The following MAPK10 variants were observed in gnomAD, a reference collection of about 807,000 sequenced individuals.
The protein encoded by MAPK10 is JNK3 alpha protein kinase.
Under a neutral mutation model 59.3 loss-of-function variants are expected in MAPK10, and 25 were observed. That is an observed-to-expected ratio of 0.42 (90% CI 0.31 to 0.59). MAPK10 has a LOEUF of 0.59. Among genes scored for constraint, MAPK10 ranks in the 20% least tolerant of loss-of-function variants. The pLI, the probability that MAPK10 is intolerant of heterozygous loss-of-function variation, is 0.15. For synonymous variants in MAPK10, 190 were observed against 200.5 expected, an observed-to-expected ratio of 0.95 and a Z score of 0.44; for missense variants, 351 against 568.9, an observed-to-expected ratio of 0.62 and a Z score of 3.90.
intron 2 of MAPK10, among the ~76,000 whole-genome samples, chr4:86,265,410 G>A (rs1165483561): frequency 6.6e-6 from 1 of 151,672 alleles, no homozygotes; most frequent in African/African-American, 2.4e-5. Flanking sequence ...TCAGGAGGCT[G>A]AGGCAGGAAA....
At chr4:86,060,842 T>C (rs1257317670) in intron 11 of MAPK10, among the ~76,000 whole-genome samples, 1 of 152,150 alleles carries the variant, frequency 6.6e-6, no homozygotes, top group Non-Finnish European at 1.5e-5. Context: ...AAATAGATCA[T>C]TGTCATCATT....
At chr4:86,239,810 C>T (rs1388832325) in intron 2 of MAPK10, among the ~76,000 whole-genome samples, 1 of 150,788 alleles carries the variant, frequency 6.6e-6, no homozygotes, top group East Asian at 1.9e-4. Flanking sequence ...AAAACAGATC[C>T]TGGATTCATT....
At chr4:86,106,535 TAAG>T (rs1287800460) in intron 5 of MAPK10, among the ~76,000 whole-genome samples, 1 of 151,258 alleles carries the variant, frequency 6.6e-6, no homozygotes, top group Non-Finnish European at 1.5e-5. Flanking sequence ...TTATCTTTAT[TAAG>T]AAGAAGTGGA....
At chr4:86,272,076 G>A (rs2094450771) in intron 2 of MAPK10, among the ~76,000 whole-genome samples, 1 of 152,024 alleles carries the variant, frequency 6.6e-6, no homozygotes, top group South Asian at 2.1e-4. Context: ...ACTTTTAAGT[G>A]AGTACATGCG....
Position 86,228,264 on chromosome 4 carries a change from T to G in MAPK10, c.-6-33857A>C, listed in dbSNP as rs187317767. 1.7e-4 allele frequency among the ~76,000 whole-genome samples: 26 copies of G among 152,278 alleles called. No homozygotes were observed. In the East Asian group the frequency reaches 4.4e-3, roughly 26 times the overall value. ...CATGGGCTCTGCATTGTTTGGCTTG[T>G]GTGTATATGAAAAGTGTACTTGCAG... On this transcript the variant is annotated intron_variant, in intron 2 of 13. Transcript: ENST00000641462.
chr4:86,302,668 C>T (rs1339857400), intron 2 of MAPK10, among the ~76,000 whole-genome samples: 1 of 152,130 alleles, frequency 6.6e-6, no homozygotes, highest in African/African-American at 2.4e-5. Context: ...AAAAAAACAT[C>T]CAAATCTTTG....
intron 3 of MAPK10, chr4:86,191,553 C>CTTTTTTTTTTTTTTTT (rs35357476): frequency 9.9e-5 from 3 of 30,414 alleles, no homozygotes; most frequent in African/African-American, 1.1e-4. Context: ...ACAACCCGTG[C>CTTTTTTTTTTTTTTTT]TTTTTTTTTT....
chr4:86,235,856 T>C (rs1293555532), intron 2 of MAPK10, among the ~76,000 whole-genome samples: 1 of 152,186 alleles, frequency 6.6e-6, no homozygotes, highest in African/African-American at 2.4e-5. Flanking sequence ...ATTGCTCCTA[T>C]AACAAATTAC....
chr4:86,070,905 C>T (rs1204908106), intron 9 of MAPK10, among the ~76,000 whole-genome samples: 3 of 151,844 alleles, frequency 2.0e-5, no homozygotes, highest in Non-Finnish European at 4.4e-5. Context: ...GGGTATATAC[C>T]CAGTAATGGG....
At chr4:86,449,835 T>A (rs1750489521) in intron 1 of MAPK10, among the ~76,000 whole-genome samples, 1 of 152,200 alleles carries the variant, frequency 6.6e-6, no homozygotes, top group South Asian at 2.1e-4. Context: ...TCTTGAGAAG[T>A]AACCTGCCAT....
At chr4:86,037,754 T>G (rs2148932104) in intron 11 of MAPK10, among the ~76,000 whole-genome samples, 1 of 152,282 alleles carries the variant, frequency 6.6e-6, no homozygotes, top group African/African-American at 2.4e-5. Context: ...ATATAGAAAC[T>G]GAGAAAGCAT....
chr4:86,452,701 G>C lies in MAPK10; in HGVS notation c.-122+329C>G, dbSNP rs151084174. On this transcript the variant is annotated intron_variant, in intron 1 of 13. Coordinates refer to the MAPK10 transcript ENST00000361569. The stretch of plus-strand genomic sequence containing the variant: ...ATAAAAATAGCTTGGATAACAGATA[G>C]CTTTTTAATTAATTTTAAAAGCTAG... Among the ~76,000 whole-genome samples, 802 of 152,282 alleles carry C rather than the reference G, an allele frequency of 5.3e-3. 9 individuals carry two copies. Among genetic ancestry groups the C allele is most frequent in the African/African-American group, 0.018 (743 of 41,554 alleles).
intron 4 of MAPK10, among the ~76,000 whole-genome samples, chr4:86,141,626 A>T (rs2063668748): frequency 6.6e-6 from 1 of 152,234 alleles, no homozygotes; most frequent in Non-Finnish European, 1.5e-5. Flanking sequence ...TATTTTACAG[A>T]GTCTATGGGA....
chr4:86,373,599 T>G (rs1054005051), intron 1 of MAPK10, among the ~76,000 whole-genome samples: 10 of 152,146 alleles, frequency 6.6e-5, no homozygotes, highest in African/African-American at 2.4e-4. Context: ...GTGAAGGATA[T>G]GAACAGATAC....
At chr4:86,199,857 C>T (rs2082225563) in intron 2 of MAPK10, among the ~76,000 whole-genome samples, 3 of 151,836 alleles carry the variant, frequency 2.0e-5, no homozygotes, top group African/African-American at 7.3e-5. Flanking sequence ...GTACCAAACA[C>T]TCATAATAGC....
At chr4:86,267,610 G>A (rs1015622761) in intron 2 of MAPK10, among the ~76,000 whole-genome samples, 2 of 151,986 alleles carry the variant, frequency 1.3e-5, no homozygotes, top group East Asian at 3.9e-4. Context: ...CTTATCCCCA[G>A]TTCATTTATG....
At chr4:86,148,897 G>C (rs1215730897) in intron 4 of MAPK10, among the ~76,000 whole-genome samples, 1 of 152,130 alleles carries the variant, frequency 6.6e-6, no homozygotes, top group Admixed American at 6.5e-5. Flanking sequence ...GCACAAAGGA[G>C]GAAGAACACT....
At chr4:86,387,757 G>A (rs1212390433) in intron 1 of MAPK10, among the ~76,000 whole-genome samples, 4 of 151,916 alleles carry the variant, frequency 2.6e-5, no homozygotes, top group East Asian at 1.9e-4. Flanking sequence ...CTGAACTGAC[G>A]TTTTTTTCAA....
intron 2 of MAPK10, among the ~76,000 whole-genome samples, chr4:86,262,586 C>T (rs937436506): frequency 2.6e-5 from 4 of 152,022 alleles, no homozygotes; most frequent in African/African-American, 7.2e-5. Flanking sequence ...GAACCTAGTA[C>T]GATAACCATA....
Sources: allele counts gnomAD v4.1 joint callset (sites outside exome capture counted in the v4.1 genomes callset), GRCh38; gene constraint gnomAD v4.1.1; transcripts MANE v1.5; gene names NCBI Gene and HGNC (gene_info 2026-07-23, HGNC 2026-07-21).